Variants in UBC observed in about 807,000 individuals in gnomAD.
UBC encodes the protein ubiquitin C, also known as polyubiquitin-C.
Under a neutral mutation model 34.7 loss-of-function variants are expected in UBC, and 8 were observed. The observed-to-expected ratio is 0.23, with a 90% confidence interval of 0.14 to 0.42. UBC has a LOEUF of 0.42. Among genes scored for constraint, UBC ranks in the 10% least tolerant of loss-of-function variants. The pLI is 1.00. For synonymous variants in UBC, 367 were observed against 299.8 expected (o/e 1.22, Z -2.32); for missense variants, 323 against 750.3 (o/e 0.43, Z 6.65).
chr12:124,913,790 A>G lies in UBC; in HGVS notation c.-3-16T>C. 1 of 1,613,188 alleles carries G rather than the reference A, an allele frequency of 6.2e-7. No homozygotes were observed. Among genetic ancestry groups the G allele is most frequent in the Non-Finnish European group, 8.5e-7 (1 of 1,179,568 alleles). ...TCTGCATTGTCTAACAAAAAAGCCA[A>G]AAACGGCCAGAATTTAGCGGACAAT... On this transcript the variant is annotated splice_polypyrimidine_tract_variant and intron_variant, in intron 1 of 1. Coordinates refer to ENST00000339647, the MANE Select transcript of UBC (RefSeq NM_021009.7).
rs1953556547 is a variant in UBC at position 124,913,479 on chromosome 12, G to A, written c.293C>T (p.Thr98Ile). The A allele has an allele frequency of 6.2e-7, 1 of 1,611,416 alleles. No homozygotes were observed. Among genetic ancestry groups the A allele is most frequent in the Non-Finnish European group, 8.5e-7 (1 of 1,179,094 alleles). ...GATCTTTGCTTTGACGTTCTCGATG[G>A]TGTCACTGGGCTCGACCTCAAGGGT... ...TITLEVEPSD[T>I]IENVKAKIQD... Residue 98 changes from threonine to isoleucine, a missense_variant, in exon 2 of 2, where the codon ACC becomes ATC. This residue lies in a region of UBC where 202 missense variants were observed against 361.9 expected (regional missense o/e 0.56). Coordinates refer to ENST00000339647, the MANE Select transcript of UBC (RefSeq NM_021009.7).
chr12:124,914,139 CGT>C, intron 1 of UBC: 1 of 266,216 alleles, frequency 3.8e-6, no homozygotes. Context: ...GAACGGGTGA[CGT>C]CACGACACGA....
chr12:124,914,140 G>A (rs1268349187), intron 1 of UBC: 3 of 268,340 alleles, frequency 1.1e-5, no homozygotes, highest in South Asian at 8.7e-5. Context: ...AACGGGTGAC[G>A]TCACGACACG....
chr12:124,912,728 G>T lies in UBC; in HGVS notation c.1044C>A (p.Ile348=), dbSNP rs138435805. The T allele has an allele frequency of 6.2e-7, 1 of 1,608,236 alleles. No individual in the cohort carries two copies. Among genetic ancestry groups the T allele is most frequent in the African/African-American group, 1.4e-5 (1 of 72,600 alleles). Residue 348 remains isoleucine (I), a synonymous_variant, in exon 2 of 2, where the codon ATC becomes ATA. Transcript: ENST00000339647. ...EGIPPDQQRL[I]FAGKQLEDGR... ...CATCTTCCAGCTGTTTTCCGGCAAA[G>T]ATCAACCTCTGCTGGTCAGGAGGGA...
rs1251494677 is a variant in UBC at position 124,912,674 on chromosome 12, C to T, written c.1098G>A (p.Gln366=). ...DGRTLSDYNI[Q]KESTLHLVLR... is the part of the protein sequence containing the mutation. Reference sequence around the variant, plus strand: ...GCACCAGGTGCAAGGTGGACTCTTTCTGGATGTTGTAGTCAGACAGGGTAC... The same window carrying T: ...GCACCAGGTGCAAGGTGGACTCTTTTTGGATGTTGTAGTCAGACAGGGTAC... Residue 366 remains glutamine, a synonymous_variant, in exon 2 of 2, where the codon CAG becomes CAA. Coordinates refer to ENST00000339647, the MANE Select transcript of UBC (RefSeq NM_021009.7). The T allele has an allele frequency of 1.2e-6, 2 of 1,611,152 alleles. No homozygotes were observed. The highest frequency in any genetic ancestry group is 3.4e-5 in the Admixed American group (2 of 59,664).
Position 124,913,375 on chromosome 12 carries a change from A to T in UBC, c.397T>A (p.Ser133Thr). 1 of 1,609,736 alleles carries T rather than the reference A, an allele frequency of 6.2e-7. No homozygotes were observed. The highest frequency in any genetic ancestry group is 8.5e-7 in the Non-Finnish European group (1 of 1,178,874). The stretch of plus-strand genomic sequence containing the variant: ...GACTCTTTCTGGATGTTGTAGTCAG[A>T]CAGGGTGCGCCCATCTTCCAGCTGC... ...GKQLEDGRTL[S>T]DYNIQKESTL... is the part of the protein sequence containing the mutation. The change falls in exon 2 of 2, where the codon TCT becomes ACT. Residue 133 changes from serine to threonine, a missense_variant. By Grantham distance (58) the Ser-to-Thr change is moderately conservative (BLOSUM62 1). Transcript: ENST00000339647.
At chr12:124,914,153 G>A (rs574117447) in intron 1 of UBC, 78 of 252,970 alleles carry the variant, frequency 3.1e-4, no homozygotes, top group African/African-American at 1.7e-3. Context: ...ACGACACGAC[G>A]AGGGCGCGCG....
intron 1 of UBC, 51 bp downstream of exon 1, chr12:124,914,536 G>C (rs761344243): frequency 2.0e-5 from 3 of 152,588 alleles, no homozygotes; most frequent in African/African-American, 4.8e-5. Flanking sequence ...GTCCCACCGA[G>C]CGGCCCGGCG....
Position 124,912,905 on chromosome 12 carries a change from G to A in UBC, c.867C>T (p.Ile289=), listed in dbSNP as rs761000271. 1.9e-6 allele frequency: 3 copies of A among 1,608,480 alleles called. No individual in the cohort carries two copies. Among genetic ancestry groups the A allele is most frequent in the Non-Finnish European group, 1.7e-6 (2 of 1,177,570 alleles). ...CCAGGTGCAGGGTAGACTCTTTCTG[G>A]ATGTTGTAGTCAGACAGGGTGCGCC... ...EDGRTLSDYN[I]QKESTLHLVL... is the part of the protein sequence containing the mutation. Residue 289 remains isoleucine, a synonymous_variant, in exon 2 of 2, where the codon ATC becomes ATT. Transcript: ENST00000339647.
chr12:124,914,377 C>T (rs951996040), intron 1 of UBC: 2 of 157,138 alleles, frequency 1.3e-5, no homozygotes, highest in African/African-American at 4.8e-5. Context: ...CACCTTGTTT[C>T]AACGACCTCA....
In UBC at chr12:124,911,689, T is replaced by C. The variant is rs769984945; in HGVS notation, c.*25A>G. 5.2e-5 allele frequency: 83 copies of C among 1,598,784 alleles called. No homozygotes were observed. The highest frequency in any genetic ancestry group is 6.6e-5 in the Non-Finnish European group (77 of 1,170,078). On this transcript the variant is annotated 3_prime_UTR_variant, in exon 2 of 2. Transcript: ENST00000339647. ...TATTGAAAGGAAAGTGCAATGAAAT[T>C]TGTTGAAACCTTAAAAGGGGAAACT...
At position 124,912,608 on chromosome 12, in the gene UBC, C is replaced by T; in HGVS notation, c.1164G>A (p.Leu388=). The change falls in exon 2 of 2, where the codon CTG becomes CTA. Residue 388 remains leucine (L), a synonymous_variant. Transcript: ENST00000339647. The part of the protein sequence containing the change: ...RGGMQIFVKT[L]TGKTITLEVE... Reference sequence around the variant, plus strand: ...CCTCGAGAGTGATGGTCTTACCAGTCAGGGTCTTCACGAAGATCTGCATCC... The same window carrying T: ...CCTCGAGAGTGATGGTCTTACCAGTTAGGGTCTTCACGAAGATCTGCATCC... 6.2e-7 allele frequency: 1 copy of T among 1,606,054 alleles called. No individual in the cohort carries two copies. Among genetic ancestry groups the T allele is most frequent in the Admixed American group, 1.7e-5 (1 of 59,188 alleles).
Position 124,912,695 on chromosome 12 carries a change from G to C in UBC, c.1077C>G (p.Thr359=), listed in dbSNP as rs748135443. 1.2e-6 allele frequency: 2 copies of C among 1,610,006 alleles called. No homozygotes were observed. The highest frequency in any genetic ancestry group is 1.7e-5 in the Admixed American group (1 of 59,568). ...CTTTCTGGATGTTGTAGTCAGACAG[G>C]GTACGACCATCTTCCAGCTGTTTTC... The part of the protein sequence containing the change: ...FAGKQLEDGR[T]LSDYNIQKES... The change falls in exon 2 of 2, where the codon ACC becomes ACG. Residue 359 remains threonine (T), a synonymous_variant. Coordinates refer to ENST00000339647, the MANE Select transcript of UBC (RefSeq NM_021009.7).
intron 1 of UBC, chr12:124,914,327 G>A (rs1953578907): frequency 6.0e-6 from 1 of 165,618 alleles, no homozygotes; most frequent in South Asian, 1.4e-4. Flanking sequence ...CATTAGCGAA[G>A]GCCTCAAGAC....
At position 124,913,342 on chromosome 12, in the gene UBC, GC is replaced by G. The variant is rs1953552782; in HGVS notation, c.429del (p.His144ThrfsTer14). Reference protein sequence around the residue: ...SDYNIQKESTLHLVLRLRGGM... With the variant: ...SDYNIQKESTXHLVLRLRGGM... ...CCACCTCTGAGACGGAGCACCAGGT[GC>G]AGGGTAGACTCTTTCTGGATGTTGT... On this transcript the variant is annotated frameshift_variant, in exon 2 of 2. Transcript: ENST00000339647. LOFTEE classifies it high-confidence loss of function. 6.2e-7 allele frequency: 1 copy of G among 1,609,538 alleles called. No individual in the cohort carries two copies. Among genetic ancestry groups the G allele is most frequent in the Non-Finnish European group, 8.5e-7 (1 of 1,178,838 alleles).
chr12:124,913,075 C>T lies in UBC; in HGVS notation c.697G>A (p.Val233Met), dbSNP rs1441384352. 3 of 1,609,066 alleles carry T rather than the reference C, an allele frequency of 1.9e-6. No homozygotes were observed. Among genetic ancestry groups the T allele is most frequent in the African/African-American group, 1.4e-5 (1 of 73,602 alleles). Residue 233 changes from valine (V) to methionine (M), a missense_variant, in exon 2 of 2, where the codon GTG becomes ATG. Coordinates refer to ENST00000339647, the MANE Select transcript of UBC (RefSeq NM_021009.7). The stretch of plus-strand genomic sequence containing the variant: ...ATGGTCTTGCCAGTGAGTGTCTTCA[C>T]GAAGATTTGCATCCCACCTCTGAGA... ...LRLRGGMQIFVKTLTGKTITL... is the reference protein window; with the variant it reads ...LRLRGGMQIFMKTLTGKTITL...
rs182191333 is a variant in UBC at position 124,912,656 on chromosome 12, G to A, written c.1116C>T (p.His372=). 1 of 1,611,338 alleles carries A rather than the reference G, an allele frequency of 6.2e-7. No individual in the cohort carries two copies. The highest frequency in any genetic ancestry group is 1.4e-5 in the African/African-American group (1 of 73,926). Residue 372 remains histidine, a synonymous_variant, in exon 2 of 2, where the codon CAC becomes CAT. Transcript: ENST00000339647. ...DYNIQKESTL[H]LVLRLRGGMQ... Reference sequence around the variant, plus strand: ...TCCCACCTCTGAGACGGAGCACCAGGTGCAAGGTGGACTCTTTCTGGATGT... The same window carrying A: ...TCCCACCTCTGAGACGGAGCACCAGATGCAAGGTGGACTCTTTCTGGATGT...
chr12:124,913,828 C>T, intron 1 of UBC, 54 bp from the exon 2 acceptor site: 4 of 1,595,058 alleles, frequency 2.5e-6, no homozygotes, highest in Non-Finnish European at 3.4e-6. Flanking sequence ...ACTAGTCTAA[C>T]ACTGAAAATT....
chr12:124,913,939 T>A (rs1953567876), intron 1 of UBC, 165 bp from the exon 2 acceptor site: 4 of 1,089,534 alleles, frequency 3.7e-6, no homozygotes, highest in Non-Finnish European at 3.9e-6. Context: ...GAGCTTCAGC[T>A]ACTTAAGAAG....
Sources: gnomAD v4.1 joint callset for allele counts on GRCh38, gnomAD v4.1.1 for gene constraint, gnomAD v4.1.1 regional missense constraint, MANE v1.5 for transcripts, NCBI Gene and HGNC (gene_info 2026-07-23, HGNC 2026-07-21) for gene names.